RAB27B: variants seen among roughly 807,000 people sequenced by gnomAD.
The protein encoded by RAB27B is ras-related protein Rab-27B.
A neutral mutation model predicts 24.6 loss-of-function variants in RAB27B; 15 were observed. That is an observed-to-expected ratio of 0.61 (90% confidence interval 0.41 to 0.94). RAB27B has a LOEUF of 0.94. RAB27B is among the 40% of genes least tolerant of loss of function. The probability of loss-of-function intolerance (pLI) is 0.00; values close to 1 mark genes in which losing one functional copy is unlikely to be tolerated. For synonymous variants in RAB27B, 105 were observed against 92.5 expected (o/e 1.14, Z -0.78); for missense variants, 261 against 266.8 (o/e 0.98, Z 0.15).
chr18:54,882,165 G>A (rs988661), intron 3 of RAB27B, among the ~76,000 whole-genome samples: 147,737 of 152,294 alleles, frequency 0.97, 71,830 homozygotes, highest in Non-Finnish European at 1. Context: ...ATGCCCTACA[G>A]ACAAATCCTA....
In RAB27B at chr18:54,778,557, C is replaced by A. The variant is rs1908788456; in HGVS notation, c.-20+60416C>A. Among the ~76,000 whole-genome samples, 4 of 152,156 alleles carry A rather than the reference C, an allele frequency of 2.6e-5. No individual in the cohort carries two copies. In the South Asian group the frequency reaches 8.3e-4, roughly 31 times the overall value. On this transcript the variant is annotated intron_variant, in intron 2 of 4. Transcript: ENST00000586570. ...TACTGAGCTTCTGCTTTGTGCCAGA[C>A]AATTTGCTTGGTTCTAGGGATGAAT...
At chr18:54,743,442 T>A (rs1910133158) in intron 2 of RAB27B, among the ~76,000 whole-genome samples, 4 of 152,130 alleles carry the variant, frequency 2.6e-5, no homozygotes, top group African/African-American at 9.7e-5. Flanking sequence ...GAATAATTAA[T>A]GAAGATCAAG....
chr18:54,825,122 T>A (rs958445616), upstream of RAB27B, among the ~76,000 whole-genome samples: 2 of 152,234 alleles, frequency 1.3e-5, no homozygotes, highest in Non-Finnish European at 2.9e-5. Flanking sequence ...TAATTTCATT[T>A]AAAAAATGTG....
chr18:54,802,541 T>C (rs762874563), intron 2 of RAB27B, among the ~76,000 whole-genome samples: 1 of 152,212 alleles, frequency 6.6e-6, no homozygotes, highest in Non-Finnish European at 1.5e-5. Flanking sequence ...TCAGGCCAAA[T>C]CATCTCTATT....
At chr18:54,821,816 C>T (rs1239686084) in intron 2 of RAB27B, among the ~76,000 whole-genome samples, 18 of 152,240 alleles carry the variant, frequency 1.2e-4, no homozygotes, top group African/African-American at 3.6e-4. Context: ...TGCAATGACA[C>T]GATCTCGGCT....
intron 2 of RAB27B, among the ~76,000 whole-genome samples, chr18:54,771,494 T>C (rs1173055183): frequency 6.6e-6 from 1 of 152,178 alleles, no homozygotes; most frequent in African/African-American, 2.4e-5. Context: ...CATTTTGAAT[T>C]GCCTAATAAT....
At position 54,820,259 on chromosome 18, in the gene RAB27B, C is replaced by G. The variant is rs566258546; in HGVS notation, c.-19-57308C>G. Among the ~76,000 whole-genome samples the G allele has an allele frequency of 1.1e-4, 16 of 152,300 alleles. No individual in the cohort carries two copies. In the South Asian group the frequency reaches 2.9e-3, roughly 28 times the overall value. On this transcript the variant is annotated intron_variant, in intron 2 of 4. Transcript: ENST00000586570. ...CAACAGTGTAAAAGTGTTCCTGTTTCTCCACATCCTCTCCAGCACCTGTTG... is the reference window on the plus strand; with the variant it reads ...CAACAGTGTAAAAGTGTTCCTGTTTGTCCACATCCTCTCCAGCACCTGTTG...
At chr18:54,755,556 C>T (rs1296783566) in intron 2 of RAB27B, among the ~76,000 whole-genome samples, 1 of 152,168 alleles carries the variant, frequency 6.6e-6, no homozygotes, top group African/African-American at 2.4e-5. Flanking sequence ...TGATAAATTA[C>T]AAGTAGGTGA....
chr18:54,857,066 T>C (rs150766790), intron 1 of RAB27B, among the ~76,000 whole-genome samples: 168 of 152,328 alleles, frequency 1.1e-3, no homozygotes, highest in South Asian at 2.5e-3. Flanking sequence ...ATAAATGTGT[T>C]TGCTGTACTC....
chr18:54,843,830 A>G (rs1000357164), intron 1 of RAB27B, among the ~76,000 whole-genome samples: 1 of 152,246 alleles, frequency 6.6e-6, no homozygotes, highest in Non-Finnish European at 1.5e-5. Context: ...ATTTGGCCAA[A>G]TAACAAGATC....
At chr18:54,823,725 A>T (rs1377894909), upstream of RAB27B, among the ~76,000 whole-genome samples, 1 of 152,148 alleles carries the variant, frequency 6.6e-6, no homozygotes, top group Non-Finnish European at 1.5e-5. Flanking sequence ...CACTTTCTCC[A>T]CTGCTTATAG....
rs1459157585 is a variant in RAB27B, at chr18:54,879,452, G to A, written c.237G>A (p.Glu79=). The A allele has an allele frequency of 1.9e-6, 3 of 1,609,194 alleles. No homozygotes were observed. Among genetic ancestry groups the A allele is most frequent in the South Asian group, 2.2e-5 (2 of 90,940 alleles). The stretch of plus-strand genomic sequence containing the variant: ...AGCTTTGGGACACTGCGGGACAAGA[G>A]CGGTAATAGTAAATTGCTTTATTTG... ...HLQLWDTAGQ[E]RFRSLTTAFF... is the part of the protein sequence containing the mutation. Residue 79 remains glutamate, a splice_region_variant and synonymous_variant, in exon 3 of 6, where the codon GAG becomes GAA. Coordinates refer to ENST00000262094, the MANE Select transcript of RAB27B (RefSeq NM_004163.4).
At chr18:54,740,637 G>A (rs753675902) in intron 2 of RAB27B, among the ~76,000 whole-genome samples, 3 of 152,164 alleles carry the variant, frequency 2.0e-5, no homozygotes, top group Non-Finnish European at 4.4e-5. Context: ...GGTCCTGTTG[G>A]CACAGTGAGA....
chr18:54,835,765 C>T (rs1910870128), intron 1 of RAB27B, among the ~76,000 whole-genome samples: 1 of 152,014 alleles, frequency 6.6e-6, no homozygotes, highest in African/African-American at 2.4e-5. Flanking sequence ...TTTGGGTTTG[C>T]TTTTCTCGTG....
chr18:54,773,177 C>A (rs1286478677), intron 2 of RAB27B, among the ~76,000 whole-genome samples: 1 of 152,022 alleles, frequency 6.6e-6, no homozygotes, highest in Non-Finnish European at 1.5e-5. Context: ...TTCTAAAGCA[C>A]TAAAGGAAAT....
At chr18:54,808,250 G>A (rs1002832662) in intron 2 of RAB27B, among the ~76,000 whole-genome samples, 1 of 152,114 alleles carries the variant, frequency 6.6e-6, no homozygotes, top group Non-Finnish European at 1.5e-5. Context: ...TGGTACAGAT[G>A]ACCCTCCAGG....
chr18:54,872,396 C>T (rs184067303), intron 1 of RAB27B, among the ~76,000 whole-genome samples: 35 of 152,108 alleles, frequency 2.3e-4, no homozygotes, highest in African/African-American at 6.3e-4. Flanking sequence ...GAGGCCGAGG[C>T]GGGCGGATCA....
intron 2 of RAB27B, among the ~76,000 whole-genome samples, chr18:54,780,905 T>C (rs1908895100): frequency 6.6e-6 from 1 of 152,170 alleles, no homozygotes; most frequent in South Asian, 2.1e-4. Flanking sequence ...GAGTAGCATA[T>C]AGGCTAACAG....
intron 1 of RAB27B, among the ~76,000 whole-genome samples, chr18:54,855,936 C>A (rs1911767390): frequency 6.6e-6 from 1 of 152,314 alleles, no homozygotes; most frequent in South Asian, 2.1e-4. Flanking sequence ...TTAGATCCAA[C>A]AGGGCATATA....
Sources: gnomAD v4.1 joint callset for allele counts (sites outside exome capture counted in the v4.1 genomes callset) on GRCh38, gnomAD v4.1.1 for gene constraint, MANE v1.5 for transcripts, NCBI Gene and HGNC (gene_info 2026-07-23, HGNC 2026-07-21) for gene names.